The following SLC35F3 variants were observed in gnomAD, a reference collection of about 807,000 sequenced individuals.
The protein encoded by SLC35F3 is solute carrier family 35 member F3.
SLC35F3 carries 25 observed loss-of-function variants against 49.9 expected under a neutral mutation model. The observed-to-expected ratio is 0.50, with a 90% CI of 0.37 to 0.70. SLC35F3 has a LOEUF of 0.70. Ranked by LOEUF, SLC35F3 falls within the 30% of genes least tolerant of loss-of-function variation. The pLI is 0.00. For missense variants in SLC35F3, 525 were observed against 639.8 expected, an observed-to-expected ratio of 0.82 and a Z score of 1.94; for synonymous variants, 275 against 265.4, an observed-to-expected ratio of 1.04 and a Z score of -0.35.
chr1:233,922,746 G>T (rs914610159), intron 2 of SLC35F3, among the ~76,000 whole-genome samples: 1 of 152,144 alleles, frequency 6.6e-6, no homozygotes, highest in Admixed American at 6.5e-5. Context: ...GAATGGTATT[G>T]CCTAGGTTTT....
intron 3 of SLC35F3, among the ~76,000 whole-genome samples, chr1:234,279,061 T>C (rs2102979826): frequency 6.6e-6 from 1 of 152,304 alleles, no homozygotes; most frequent in Admixed American, 6.5e-5. Flanking sequence ...CTTGGTTTTA[T>C]GCATTTTAGA....
intron 2 of SLC35F3, among the ~76,000 whole-genome samples, chr1:233,911,478 T>C (rs901418751): frequency 6.6e-6 from 1 of 152,180 alleles, no homozygotes; most frequent in Admixed American, 6.5e-5. Flanking sequence ...GTCAGAGAAT[T>C]AATTTTATTC....
At chr1:234,099,993 A>G (rs550581586) in intron 2 of SLC35F3, among the ~76,000 whole-genome samples, 3 of 152,224 alleles carry the variant, frequency 2.0e-5, no homozygotes, top group Non-Finnish European at 1.5e-5. Context: ...TATATAATCC[A>G]CATACTACTT....
At chr1:234,256,608 C>T (rs981859197) in intron 3 of SLC35F3, among the ~76,000 whole-genome samples, 1 of 152,210 alleles carries the variant, frequency 6.6e-6, no homozygotes, top group African/African-American at 2.4e-5. Flanking sequence ...TCTGGCCAGT[C>T]TATGAATGAT....
intron 2 of SLC35F3, among the ~76,000 whole-genome samples, chr1:234,022,202 GGTCCGGGGTCACTCCCTGTATTA>G (rs77735343): frequency 0.13 from 19,921 of 152,164 alleles, 1,601 homozygotes; most frequent in Non-Finnish European, 0.18. Flanking sequence ...GGAAGGCTAA[GGTCCGGGGTCACTCCCTGTATTA>G]GTCTGGGTTC....
chr1:234,089,744 T>TCCTACCCAGTA (rs1665012857), intron 2 of SLC35F3, among the ~76,000 whole-genome samples: 1 of 152,062 alleles, frequency 6.6e-6, no homozygotes, highest in Admixed American at 6.5e-5. Context: ...AGTTCGCCAC[T>TCCTACCCAGTA]GGAGGGGATA....
At chr1:233,964,131 C>G (rs1662855267) in intron 2 of SLC35F3, among the ~76,000 whole-genome samples, 2 of 152,210 alleles carry the variant, frequency 1.3e-5, no homozygotes, top group South Asian at 4.1e-4. Context: ...GTCTGGCAGG[C>G]CAGGGCTCCA....
chr1:233,909,432 G>A (rs1231943848), intron 2 of SLC35F3, among the ~76,000 whole-genome samples: 3 of 152,202 alleles, frequency 2.0e-5, no homozygotes, highest in Non-Finnish European at 2.9e-5. Context: ...TTTGTTGAAT[G>A]AATGGATGGC....
chr1:234,278,270 A>G (rs895884026), intron 3 of SLC35F3, among the ~76,000 whole-genome samples: 1 of 152,056 alleles, frequency 6.6e-6, no homozygotes, highest in Admixed American at 6.6e-5. Context: ...GCTGGTGACC[A>G]CCTGAGGTCA....
intron 3 of SLC35F3, among the ~76,000 whole-genome samples, chr1:234,277,868 A>T (rs531496048): frequency 6.6e-6 from 1 of 152,348 alleles, no homozygotes; most frequent in East Asian, 1.9e-4. Context: ...TTAACTCTAA[A>T]AGGAGGATGT....
At chr1:234,091,818 C>T (rs1473561333) in intron 2 of SLC35F3, among the ~76,000 whole-genome samples, 1 of 152,134 alleles carries the variant, frequency 6.6e-6, no homozygotes. Context: ...TTTTAGTATC[C>T]ATGGGTTGAC....
chr1:233,996,164 G>A (rs186277173), intron 2 of SLC35F3, among the ~76,000 whole-genome samples: 4 of 152,064 alleles, frequency 2.6e-5, no homozygotes, highest in African/African-American at 9.6e-5. Context: ...AGGAAAAAAC[G>A]GTTAATTGTG....
intron 2 of SLC35F3, among the ~76,000 whole-genome samples, chr1:234,084,457 G>T (rs771229813): frequency 1.3e-4 from 20 of 152,138 alleles, no homozygotes; most frequent in Non-Finnish European, 2.9e-4. Context: ...TGTTTTCCAA[G>T]CTCAGAACCA....
intron 2 of SLC35F3, among the ~76,000 whole-genome samples, chr1:234,146,481 CTTTTT>C (rs869146212): frequency 1.9e-4 from 14 of 74,040 alleles, no homozygotes; most frequent in South Asian, 5.9e-4. Flanking sequence ...GATATTTGCT[CTTTTT>C]TTTTTTTTTT....
At chr1:233,984,963 G>A (rs900621527) in intron 2 of SLC35F3, among the ~76,000 whole-genome samples, 6 of 152,128 alleles carry the variant, frequency 3.9e-5, no homozygotes, top group African/African-American at 1.2e-4. Flanking sequence ...CTAGGTGCCT[G>A]GAATTTCCTG....
At chr1:234,273,077 G>C (rs1027276968) in intron 3 of SLC35F3, among the ~76,000 whole-genome samples, 1 of 152,158 alleles carries the variant, frequency 6.6e-6, no homozygotes, top group East Asian at 1.9e-4. Context: ...ATTGAATCAT[G>C]TGTGCATTAT....
intron 3 of SLC35F3, among the ~76,000 whole-genome samples, chr1:234,267,517 C>G (rs1312442812): frequency 3.4e-5 from 5 of 148,318 alleles, no homozygotes; most frequent in Non-Finnish European, 6.0e-5. Flanking sequence ...GCTGACCCCC[C>G]CACCTCCCTC....
At chr1:234,139,633 A>T (rs941589417) in intron 2 of SLC35F3, among the ~76,000 whole-genome samples, 1 of 152,094 alleles carries the variant, frequency 6.6e-6, no homozygotes, top group African/African-American at 2.4e-5. Context: ...GTCAGACAAT[A>T]TGACATCACT....
intron 2 of SLC35F3, among the ~76,000 whole-genome samples, chr1:234,184,499 T>C (rs1207525901): frequency 6.6e-6 from 1 of 152,174 alleles, no homozygotes; most frequent in African/African-American, 2.4e-5. Context: ...GGGCAGGAAA[T>C]TTTCGAGGCT....
Sources: gnomAD v4.1 joint callset for allele counts (sites outside exome capture counted in the v4.1 genomes callset) on GRCh38, gnomAD v4.1.1 for gene constraint, MANE v1.5 for transcripts, NCBI Gene and HGNC (gene_info 2026-07-23, HGNC 2026-07-21) for gene names.